Variants in NBAS observed in about 807,000 individuals in gnomAD.
The protein encoded by NBAS is NBAS subunit of NRZ tethering complex.
NBAS carries 219 observed loss-of-function variants against 302.5 expected under a neutral mutation model. That is an observed-to-expected ratio of 0.72 (90% CI 0.65 to 0.81). The LOEUF (loss-of-function observed/expected upper bound fraction) is 0.81, where lower values mean the gene tolerates loss of function less well. Ranked by LOEUF, NBAS falls within the 30% of genes least tolerant of loss-of-function variation. The pLI is 0.00. For synonymous variants in NBAS, 1,118 were observed against 1,021.6 expected (o/e 1.09, Z -1.80); for missense variants, 2,932 against 2,841.6 (o/e 1.03, Z -0.72).
At chr2:15,356,258 C>G in intron 33 of NBAS, 45 bp downstream of exon 33, 1 of 1,468,062 alleles carries the variant, frequency 6.8e-7, no homozygotes. Context: ...TTATCCATCA[C>G]ATAAAGAGGA....
intron 35 of NBAS, among the ~76,000 whole-genome samples, chr2:15,337,253 T>G (rs1672628125): frequency 6.6e-6 from 1 of 152,062 alleles, no homozygotes; most frequent in African/African-American, 2.4e-5. Context: ...CACAGGAGTT[T>G]GAAGCTGCAG....
intron 48 of NBAS, among the ~76,000 whole-genome samples, chr2:15,195,861 C>G (rs997231576): frequency 5.3e-5 from 8 of 152,264 alleles, no homozygotes; most frequent in Non-Finnish European, 1.2e-4. Context: ...AGTGAGCATG[C>G]GTACAACTCT....
the NBAS span, among the ~76,000 whole-genome samples, chr2:15,026,029 C>T: frequency 5.9e-5 from 9 of 152,076 alleles, no homozygotes; most frequent in African/African-American, 2.2e-4. Flanking sequence ...AGTAGACATC[C>T]CTGTCTTGTG....
At chr2:15,432,730 T>G (rs1284678753) in intron 21 of NBAS, among the ~76,000 whole-genome samples, 1 of 152,160 alleles carries the variant, frequency 6.6e-6, no homozygotes, top group Non-Finnish European at 1.5e-5. Flanking sequence ...AAAATAATAA[T>G]ACTTGGGGCC....
At chr2:15,551,904 C>T (rs1296977776) in intron 5 of NBAS, among the ~76,000 whole-genome samples, 3 of 152,130 alleles carry the variant, frequency 2.0e-5, no homozygotes, top group Admixed American at 1.3e-4. Flanking sequence ...TACATCATTC[C>T]TAATTAAGAA....
chr2:15,466,680 G>A (rs1679736637), intron 19 of NBAS, among the ~76,000 whole-genome samples: 1 of 152,182 alleles, frequency 6.6e-6, no homozygotes, highest in African/African-American at 2.4e-5. Flanking sequence ...GCTCACACCT[G>A]TAATCCTAGC....
chr2:14,818,983 A>C, the NBAS span, among the ~76,000 whole-genome samples: 1 of 151,912 alleles, frequency 6.6e-6, no homozygotes, highest in Non-Finnish European at 1.5e-5. Flanking sequence ...ATCAAGTTCA[A>C]CTCCTCTACA....
chr2:15,012,104 T>A, the NBAS span, among the ~76,000 whole-genome samples: 40 of 151,606 alleles, frequency 2.6e-4, no homozygotes, highest in African/African-American at 8.5e-4. Context: ...CCAGGAAAAA[T>A]TTTCAAAATA....
intron 32 of NBAS, among the ~76,000 whole-genome samples, chr2:15,365,058 A>G (rs1264547822): frequency 1.3e-5 from 2 of 152,196 alleles, no homozygotes; most frequent in Non-Finnish European, 2.9e-5. Context: ...GCCATGCACT[A>G]TGATCACATC....
At chr2:14,854,491 C>T in the NBAS span, among the ~76,000 whole-genome samples, 7 of 151,818 alleles carry the variant, frequency 4.6e-5, no homozygotes, top group East Asian at 1.9e-4. Context: ...GCACTCATAG[C>T]ACCTGCTTGT....
chr2:15,407,693 G>T (rs572737551), intron 25 of NBAS, among the ~76,000 whole-genome samples: 47 of 152,242 alleles, frequency 3.1e-4, no homozygotes, highest in Admixed American at 5.9e-4. Context: ...GTTCTCTTTA[G>T]AAAAATGTCT....
At chr2:14,883,335 T>A in the NBAS span, among the ~76,000 whole-genome samples, 1 of 152,348 alleles carries the variant, frequency 6.6e-6, no homozygotes, top group Non-Finnish European at 1.5e-5. Flanking sequence ...ACTAATGTTG[T>A]AGTTTACATT....
chr2:15,047,183 C>T, the NBAS span, among the ~76,000 whole-genome samples: 1 of 152,248 alleles, frequency 6.6e-6, no homozygotes, highest in African/African-American at 2.4e-5. Context: ...AGGTTTGCAA[C>T]ACATGATGAA....
chr2:14,895,599 T>C, the NBAS span, among the ~76,000 whole-genome samples: 1,193 of 151,802 alleles, frequency 7.9e-3, 28 homozygotes, highest in East Asian at 0.081. Context: ...ATTAGCCGGG[T>C]GTGGTAGCGG....
intron 48 of NBAS, among the ~76,000 whole-genome samples, chr2:15,204,140 G>A (rs1311320241): frequency 2.0e-5 from 3 of 151,794 alleles, no homozygotes; most frequent in Non-Finnish European, 4.4e-5. Flanking sequence ...GCATGCCTGC[G>A]GTCTCAGTGA....
the NBAS span, among the ~76,000 whole-genome samples, chr2:14,919,323 A>T: frequency 3.3e-5 from 5 of 152,238 alleles, no homozygotes; most frequent in African/African-American, 1.2e-4. Context: ...ACCTTAATTT[A>T]AAAATAATTT....
intron 48 of NBAS, among the ~76,000 whole-genome samples, chr2:15,192,980 T>C (rs1665434611): frequency 6.6e-6 from 1 of 152,160 alleles, no homozygotes; most frequent in East Asian, 1.9e-4. Context: ...AACTGTAATA[T>C]ACATTTTGAG....
intron 30 of NBAS, among the ~76,000 whole-genome samples, chr2:15,379,023 C>T (rs1042371839): frequency 6.6e-6 from 1 of 151,998 alleles, no homozygotes; most frequent in Non-Finnish European, 1.5e-5. Context: ...ATTGGGTATA[C>T]CTAATTACGA....
chr2:15,454,167 T>C (rs565287744), intron 21 of NBAS, among the ~76,000 whole-genome samples: 1 of 152,342 alleles, frequency 6.6e-6, no homozygotes, highest in South Asian at 2.1e-4. Flanking sequence ...TTTTAAATAC[T>C]GCAATATTTC....
Sources: allele counts gnomAD v4.1 joint callset (sites outside exome capture counted in the v4.1 genomes callset), GRCh38; gene constraint gnomAD v4.1.1; transcripts MANE v1.5; gene names NCBI Gene and HGNC (gene_info 2026-07-23, HGNC 2026-07-21).